NCLN: variants seen among roughly 807,000 people sequenced by gnomAD.
NCLN encodes nicalin.
NCLN carries 34 observed loss-of-function variants against 69.5 expected under a neutral mutation model. That is an observed-to-expected ratio of 0.49 (90% CI 0.37 to 0.65). NCLN has a LOEUF of 0.65. Among genes scored for constraint, NCLN ranks in the 30% least tolerant of loss-of-function variants. The probability of loss-of-function intolerance (pLI) is 0.00; values close to 1 mark genes in which losing one functional copy is unlikely to be tolerated. For missense variants in NCLN, 710 were observed against 804.8 expected, an observed-to-expected ratio of 0.88 and a Z score of 1.42; for synonymous variants, 393 against 358.3, an observed-to-expected ratio of 1.10 and a Z score of -1.09.
chr19:3,207,385 C>T lies in NCLN; in HGVS notation c.1554-6C>T. 3 of 1,613,114 alleles carry T rather than the reference C, an allele frequency of 1.9e-6. No homozygotes were observed. The highest frequency in any genetic ancestry group is 1.7e-6 in the Non-Finnish European group (2 of 1,179,990). ...CTCGACCTCAGGGACCCTGCTTTCT[C>T]CACAGAGTCAAGCCGGCCGTCTTTG... On this transcript the variant is annotated splice_region_variant and splice_polypyrimidine_tract_variant and intron_variant, in intron 13 of 14. Coordinates refer to ENST00000246117, the MANE Select transcript of NCLN (RefSeq NM_020170.4).
intron 1 of NCLN, among the ~76,000 whole-genome samples, chr19:3,188,129 G>C (rs573104): frequency 6.6e-6 from 1 of 151,834 alleles, no homozygotes; most frequent in Admixed American, 6.6e-5. Flanking sequence ...CCTAGAGCTC[G>C]AGATACCCTG....
chr19:3,200,312 A>AT (rs34745192), intron 5 of NCLN, among the ~76,000 whole-genome samples: 21,726 of 126,518 alleles, frequency 0.17, 2,279 homozygotes, highest in South Asian at 0.23. Context: ...TTATTTATGT[A>AT]TTTTTTTTTT....
intron 8 of NCLN, 120 bp from the exon 9 acceptor site, chr19:3,204,453 G>A (rs924526008): frequency 1.8e-5 from 21 of 1,151,494 alleles, no homozygotes; most frequent in Non-Finnish European, 2.1e-5. Context: ...CCGGGGGCAG[G>A]TGGATTTCTC....
intron 1 of NCLN, among the ~76,000 whole-genome samples, chr19:3,189,544 G>A (rs1915756077): frequency 6.6e-6 from 1 of 152,250 alleles, no homozygotes. Flanking sequence ...ATAGACAGGT[G>A]CCCAGGCCAC....
chr19:3,194,307 C>T (rs890307571), intron 3 of NCLN, among the ~76,000 whole-genome samples: 9 of 152,192 alleles, frequency 5.9e-5, no homozygotes, highest in Non-Finnish European at 8.8e-5. Flanking sequence ...CACTTGAACC[C>T]GGAAGGCGGA....
intron 5 of NCLN, among the ~76,000 whole-genome samples, chr19:3,199,755 C>T (rs1261031265): frequency 1.5e-5 from 2 of 134,564 alleles, no homozygotes; most frequent in African/African-American, 2.9e-5. Context: ...GGCTGGAGTG[C>T]AGTGGCACAA....
chr19:3,187,980 A>G (rs1915713216), intron 1 of NCLN, among the ~76,000 whole-genome samples: 1 of 152,102 alleles, frequency 6.6e-6, no homozygotes, highest in South Asian at 2.1e-4. Flanking sequence ...CGAGCCCCCA[A>G]AGCGTGGCCT....
At chr19:3,201,753 AATTGGGGC>A in intron 6 of NCLN, 127 bp downstream of exon 6, 1 of 749,356 alleles carries the variant, frequency 1.3e-6, no homozygotes, top group Non-Finnish European at 2.1e-6. Flanking sequence ...TGAGCCCAGG[AATTGGGGC>A]GCCTTATTTA....
intron 6 of NCLN, 128 bp downstream of exon 6, chr19:3,201,754 A>G: frequency 1.3e-6 from 1 of 745,734 alleles, no homozygotes; most frequent in Non-Finnish European, 2.1e-6. Context: ...GAGCCCAGGA[A>G]TTGGGGCGCC....
intron 12 of NCLN, among the ~76,000 whole-genome samples, 188 bp downstream of exon 12, chr19:3,206,613 A>G (rs1436583268): frequency 6.6e-6 from 1 of 152,200 alleles, no homozygotes; most frequent in East Asian, 1.9e-4. Flanking sequence ...AGGCAGGTGG[A>G]TCACTTGAGG....
At chr19:3,199,648 G>T (rs906924378) in intron 5 of NCLN, among the ~76,000 whole-genome samples, 31 of 151,958 alleles carry the variant, frequency 2.0e-4, no homozygotes, top group African/African-American at 7.3e-4. Flanking sequence ...AGTGGGGTGG[G>T]GGGGCATGTA....
intron 5 of NCLN, among the ~76,000 whole-genome samples, chr19:3,201,235 G>T (rs542357046): frequency 6.6e-6 from 1 of 152,202 alleles, no homozygotes; most frequent in Non-Finnish European, 1.5e-5. Context: ...GGCGCGGGCC[G>T]AGCCGAGGTG....
rs1361298019 is a variant in NCLN at position 3,185,983 on chromosome 19, G to GCCGTC, written c.-40_-36dup. The GCCGTC allele has an allele frequency of 5.7e-6, 8 of 1,394,170 alleles. No individual in the cohort carries two copies. The highest frequency in any genetic ancestry group is 7.5e-6 in the Non-Finnish European group (8 of 1,072,064). The allele number at this position is 1,394,170 out of a possible 1,614,324, so 86.4% of individuals were successfully genotyped here. On this transcript the variant is annotated 5_prime_UTR_variant, in exon 1 of 15. Coordinates refer to ENST00000246117, the MANE Select transcript of NCLN (RefSeq NM_020170.4). ...TGAGTCCGCGGGAGCCGCCGCCGCC[G>GCCGTC]CCGTCCCGTCCCAGCTGCCGCCCCG...
intron 6 of NCLN, 98 bp from the exon 7 acceptor site, chr19:3,203,658 A>G: frequency 1.9e-6 from 2 of 1,061,066 alleles, no homozygotes; most frequent in Non-Finnish European, 2.8e-6. Context: ...CTTTGGGGAG[A>G]CCTTCATACC....
chr19:3,201,417 T>G (rs1248681746), intron 5 of NCLN, 106 bp from the exon 6 acceptor site: 6 of 742,764 alleles, frequency 8.1e-6, no homozygotes, highest in African/African-American at 5.3e-5. Flanking sequence ...GCTACGGGAG[T>G]AGGGTGGGGG....
chr19:3,189,298 G>C (rs1362881833), intron 1 of NCLN, among the ~76,000 whole-genome samples: 1 of 152,218 alleles, frequency 6.6e-6, no homozygotes, highest in Non-Finnish European at 1.5e-5. Flanking sequence ...CCCAGGACCC[G>C]TCAAGTCCAT....
intron 2 of NCLN, among the ~76,000 whole-genome samples, 185 bp from the exon 3 acceptor site, chr19:3,193,099 A>G (rs1915870650): frequency 6.6e-6 from 1 of 150,888 alleles, no homozygotes; most frequent in Non-Finnish European, 1.5e-5. Context: ...TGAGTGCCTC[A>G]TGGTTCATGC....
intron 1 of NCLN, among the ~76,000 whole-genome samples, chr19:3,191,817 G>A (rs1393818918): frequency 6.6e-6 from 1 of 152,204 alleles, no homozygotes; most frequent in Non-Finnish European, 1.5e-5. Flanking sequence ...GGTTTGCCGA[G>A]CCCTGGTCTA....
chr19:3,206,217 T>A lies in NCLN; in HGVS notation c.1335+27T>A, dbSNP rs765844098. On this transcript the variant is annotated intron_variant, in intron 11 of 14. Transcript: ENST00000246117. ...TAAGGGGGCCAGGCCAGTGGGTGGG[T>A]GGGTGGGCGGGGCCAGGCCATGACT... is the stretch of plus-strand genomic sequence containing the variant. 52 of 187,210 alleles carry A rather than the reference T, an allele frequency of 2.8e-4. 1 individual carries two copies. The highest frequency in any genetic ancestry group is 2.3e-3 in the South Asian group (46 of 20,004). The allele number at this position is 187,210 out of a possible 1,614,324, so 11.6% of individuals were successfully genotyped here.
Sources: allele counts gnomAD v4.1 joint callset (sites outside exome capture counted in the v4.1 genomes callset), GRCh38; gene constraint gnomAD v4.1.1; transcripts MANE v1.5; gene names NCBI Gene and HGNC (gene_info 2026-07-23, HGNC 2026-07-21).